The following MYLK variants were observed in gnomAD, a reference collection of about 807,000 sequenced individuals.
MYLK encodes the protein myosin light chain kinase, also known as myosin light chain kinase, smooth muscle.
Under a neutral mutation model 203.4 loss-of-function variants are expected in MYLK, and 106 were observed. The ratio of observed to expected loss-of-function variants is 0.52; its 90% CI spans 0.45 to 0.61. The LOEUF is 0.61. Ranked by LOEUF, MYLK falls within the 20% of genes least tolerant of loss-of-function variation. MYLK has a pLI of 0.00. For synonymous variants in MYLK, 867 were observed against 959.5 expected (o/e 0.90, Z 1.78); for missense variants, 2,072 against 2,442.3 (o/e 0.85, Z 3.20).
chr3:123,836,798 G>A (rs181856682), intron 2 of MYLK, among the ~76,000 whole-genome samples: 3 of 152,276 alleles, frequency 2.0e-5, no homozygotes, highest in Non-Finnish European at 2.9e-5. Flanking sequence ...AGGCGTCCAA[G>A]GACACATAGT....
At chr3:123,782,314 G>A (rs1320337151) in intron 4 of MYLK, among the ~76,000 whole-genome samples, 2 of 152,204 alleles carry the variant, frequency 1.3e-5, no homozygotes, top group Non-Finnish European at 2.9e-5. Context: ...AGGCTTCATA[G>A]AGGAAGGAAA....
Position 123,827,749 on chromosome 3 carries a change from A to AT in MYLK, c.-4+3798_-4+3799insA, listed in dbSNP as rs1560269124. On this transcript the variant is annotated intron_variant, in intron 3 of 33. Transcript: ENST00000360304. ...TATATATATATATATATATATATAT[A>AT]AAGACTCTACCAAAAAACTTAGAAC... Among the ~76,000 whole-genome samples, 136 of 103,562 alleles carry AT rather than the reference A, an allele frequency of 1.3e-3. 2 individuals are homozygous for AT. The highest frequency in any genetic ancestry group is 4.0e-3 in the African/African-American group (114 of 28,366). 67.9% of individuals were successfully genotyped at this position (103,562 alleles called of 152,430 possible). A position where few individuals can be genotyped will look rare whatever the true frequency, so the allele number is the denominator to read the frequency against.
At chr3:123,864,507 TA>T (rs2032176316) in intron 2 of MYLK, among the ~76,000 whole-genome samples, 1 of 152,286 alleles carries the variant, frequency 6.6e-6, no homozygotes, top group Admixed American at 6.5e-5. Context: ...AGATAGGTGA[TA>T]AAACAAATAC....
chr3:123,692,376 T>C, intron 19 of MYLK: 1 of 1,178,690 alleles, frequency 8.5e-7, no homozygotes, highest in Non-Finnish European at 1.1e-6. Context: ...GACACTTGTT[T>C]GTTGTGGCTT....
chr3:123,620,138 A>G, intron 32 of MYLK, 69 bp downstream of exon 32: 5 of 1,391,308 alleles, frequency 3.6e-6, no homozygotes, highest in Non-Finnish European at 5.1e-6. Context: ...ACCAACCAAA[A>G]CCTCAAAATG....
intron 19 of MYLK, among the ~76,000 whole-genome samples, chr3:123,686,613 C>T (rs1422950980): frequency 4.6e-5 from 7 of 152,170 alleles, no homozygotes; most frequent in Non-Finnish European, 7.3e-5. Context: ...AGGATGCTTG[C>T]GCTTTCTGGC....
chr3:123,615,888 A>G (rs932772015), intron 33 of MYLK, among the ~76,000 whole-genome samples: 7 of 152,178 alleles, frequency 4.6e-5, no homozygotes, highest in Non-Finnish European at 8.8e-5. Context: ...GACTCAAGTG[A>G]TCTGCCTGCC....
At chr3:123,810,608 C>T (rs1374154602) in intron 3 of MYLK, among the ~76,000 whole-genome samples, 1 of 152,252 alleles carries the variant, frequency 6.6e-6, no homozygotes, top group East Asian at 1.9e-4. Context: ...TCTAGATGAA[C>T]AATCCCCCCA....
At chr3:123,841,880 A>G (rs1281461300) in intron 2 of MYLK, among the ~76,000 whole-genome samples, 1 of 152,126 alleles carries the variant, frequency 6.6e-6, no homozygotes, top group East Asian at 1.9e-4. Context: ...CTAGGAAGAG[A>G]CTAGAGACAG....
At chr3:123,735,476 C>T in intron 8 of MYLK, 60 bp from the exon 9 acceptor site, 1 of 1,601,442 alleles carries the variant, frequency 6.2e-7, no homozygotes, top group South Asian at 1.1e-5. Flanking sequence ...ACCAAAATTT[C>T]CCTCCCCAGG....
chr3:123,821,039 T>G (rs962400915), intron 3 of MYLK, among the ~76,000 whole-genome samples: 4 of 152,136 alleles, frequency 2.6e-5, no homozygotes, highest in African/African-American at 9.7e-5. Flanking sequence ...GAGCTAACAG[T>G]GATTTTCAAA....
chr3:123,664,371 G>A (rs1024652845), intron 22 of MYLK, 113 bp from the exon 23 acceptor site: 4 of 1,465,850 alleles, frequency 2.7e-6, no homozygotes, highest in East Asian at 4.6e-5. Flanking sequence ...CAAGCTGTGG[G>A]GGGGCTCAGT....
chr3:123,679,986 G>A (rs780871452), intron 20 of MYLK, among the ~76,000 whole-genome samples: 2 of 152,184 alleles, frequency 1.3e-5, no homozygotes, highest in Non-Finnish European at 2.9e-5. Flanking sequence ...TGCACATGAC[G>A]TGACCTGGAG....
At chr3:123,681,156 CT>C (rs2060250113) in intron 20 of MYLK, 1 of 151,876 alleles carries the variant, frequency 6.6e-6, no homozygotes, top group Admixed American at 6.5e-5. Context: ...TCCCTTTTTT[CT>C]TCTAATTTTA....
Position 123,701,603 on chromosome 3 carries a change from G to A in MYLK, c.2391-94C>T, listed in dbSNP as rs1247309416. On this transcript the variant is annotated intron_variant, in intron 16 of 33. Transcript: ENST00000360304. Reference sequence around the variant, plus strand: ...TGATCACAGGCTGCTGGCCAGCGGGGAAGATGGAAGTCGCCGGCTTGACTG... The same window carrying A: ...TGATCACAGGCTGCTGGCCAGCGGGAAAGATGGAAGTCGCCGGCTTGACTG... 7 of 1,310,416 alleles carry A rather than the reference G, an allele frequency of 5.3e-6. No homozygotes were observed. In the East Asian group the frequency reaches 7.0e-5, roughly 13 times the overall value. 81.2% of individuals were successfully genotyped at this position (1,310,416 alleles called of 1,614,324 possible). A position where few individuals can be genotyped will look rare whatever the true frequency, so the allele number is the denominator to read the frequency against.
chr3:123,667,520 C>T (rs2059778056), intron 20 of MYLK, among the ~76,000 whole-genome samples: 1 of 151,816 alleles, frequency 6.6e-6, no homozygotes, highest in Admixed American at 6.6e-5. Context: ...AGGAGAATCG[C>T]TTTAACCTGG....
Position 123,654,257 on chromosome 3 carries a change from C to T in MYLK, c.4288+2869G>A, listed in dbSNP as rs116120160. On this transcript the variant is annotated intron_variant, in intron 24 of 33. Transcript: ENST00000360304. ...ATAAAATTGTAAAGTTGGTATGTTT[C>T]CCATTGGTACCCTAACTTTCTTTCT... 6.3e-3 allele frequency among the ~76,000 whole-genome samples: 955 copies of T among 152,244 alleles called. 14 individuals are homozygous for T. Among genetic ancestry groups the T allele is most frequent in the African/African-American group, 0.021 (872 of 41,530 alleles).
chr3:123,859,577 G>A lies in MYLK; in HGVS notation c.-127+16982C>T, dbSNP rs116573657. Among the ~76,000 whole-genome samples, 682 of 152,300 alleles carry A rather than the reference G, an allele frequency of 4.5e-3. 10 individuals carry two copies. The highest frequency in any genetic ancestry group is 0.016 in the African/African-American group (649 of 41,556). ...ATGCATTTCCAAAAATCTAATTTATGTTCAAAAGATGAAGCTGTGTCACAA... is the reference window on the plus strand; with the variant it reads ...ATGCATTTCCAAAAATCTAATTTATATTCAAAAGATGAAGCTGTGTCACAA... On this transcript the variant is annotated intron_variant, in intron 2 of 33. Transcript: ENST00000360304.
At chr3:123,856,527 C>G (rs182873338) in intron 2 of MYLK, among the ~76,000 whole-genome samples, 3 of 152,324 alleles carry the variant, frequency 2.0e-5, no homozygotes, top group Admixed American at 6.5e-5. Context: ...ATAATAACAG[C>G]CTTTATTTAA....
Sources: allele counts gnomAD v4.1 joint callset (sites outside exome capture counted in the v4.1 genomes callset), GRCh38; gene constraint gnomAD v4.1.1; transcripts MANE v1.5; gene names NCBI Gene and HGNC (gene_info 2026-07-23, HGNC 2026-07-21).